The following TRPM3 variants were observed in gnomAD, a reference collection of about 807,000 sequenced individuals.
The protein encoded by TRPM3 is long transient receptor potential channel 3.
In TRPM3, 77 loss-of-function variants were observed where a neutral mutation model predicts 181.2. The observed-to-expected ratio is 0.42, with a 90% CI of 0.35 to 0.51. The LOEUF (loss-of-function observed/expected upper bound fraction) is 0.51. Ranked by LOEUF, TRPM3 falls within the 20% of genes least tolerant of loss-of-function variation. The pLI is 0.01. For missense variants in TRPM3, 1,759 were observed against 2,196.7 expected (o/e 0.80, Z 3.98); for synonymous variants, 745 against 796.4 (o/e 0.94, Z 1.09).
intron 5 of TRPM3, among the ~76,000 whole-genome samples, chr9:70,840,824 T>A (rs1311069490): frequency 1.3e-5 from 2 of 152,138 alleles, no homozygotes; most frequent in African/African-American, 4.8e-5. Context: ...CTGCAAATGC[T>A]TAGGCAACTA....
intron 1 of TRPM3, among the ~76,000 whole-genome samples, chr9:71,173,071 T>C (rs2076943313): frequency 1.3e-5 from 2 of 152,212 alleles, no homozygotes; most frequent in African/African-American, 2.4e-5. Flanking sequence ...GAACACCTTT[T>C]CACTGAACAA....
chr9:71,023,559 G>A (rs1315307649), intron 1 of TRPM3, among the ~76,000 whole-genome samples: 1 of 152,062 alleles, frequency 6.6e-6, no homozygotes, highest in Non-Finnish European at 1.5e-5. Context: ...TTATTCATAA[G>A]AGCCCCAAAG....
At chr9:70,974,659 G>T (rs1417196657) in intron 1 of TRPM3, among the ~76,000 whole-genome samples, 1 of 151,646 alleles carries the variant, frequency 6.6e-6, no homozygotes, top group Non-Finnish European at 1.5e-5. Context: ...AACCCAGGAG[G>T]CGGGGTTTGC....
chr9:70,673,232 G>T (rs1334827098), intron 9 of TRPM3, among the ~76,000 whole-genome samples: 1 of 151,984 alleles, frequency 6.6e-6, no homozygotes, highest in Non-Finnish European at 1.5e-5. Context: ...GAGGCACATG[G>T]AAGACACTGG....
intron 19 of TRPM3, among the ~76,000 whole-genome samples, chr9:70,606,285 C>T (rs1247874178): frequency 6.6e-6 from 1 of 152,172 alleles, no homozygotes; most frequent in Non-Finnish European, 1.5e-5. Context: ...TTTTTGTCTC[C>T]TCTTCCCTTA....
chr9:70,778,418 C>G (rs1266098804), intron 7 of TRPM3, among the ~76,000 whole-genome samples: 2 of 152,146 alleles, frequency 1.3e-5, no homozygotes, highest in African/African-American at 4.8e-5. Context: ...TATTCATCTT[C>G]CAACAGGCCC....
intron 1 of TRPM3, among the ~76,000 whole-genome samples, chr9:70,924,468 T>C (rs896546794): frequency 6.6e-6 from 1 of 152,198 alleles, no homozygotes; most frequent in Non-Finnish European, 1.5e-5. Context: ...CCATTTCCAG[T>C]ATTTCAACAT....
Position 70,921,775 on chromosome 9 carries a change from A to G in TRPM3, c.178-57264T>C, listed in dbSNP as rs1048728372. Among the ~76,000 whole-genome samples, 8 of 152,130 alleles carry G rather than the reference A, an allele frequency of 5.3e-5. No individual in the cohort carries two copies. The East Asian group carries it at 7.7e-4, about 15-fold the overall frequency. On this transcript the variant is annotated intron_variant, in intron 1 of 25. Coordinates refer to ENST00000677713, the MANE Select transcript of TRPM3 (RefSeq NM_001366145.2). The stretch of plus-strand genomic sequence containing the variant: ...AAGCCACCATGTCACGGATTGCTAT[A>G]TAGAGAGGCCCACATGTCAGGGAAC...
At chr9:70,813,539 T>C (rs138534101) in intron 6 of TRPM3, among the ~76,000 whole-genome samples, 27 of 151,932 alleles carry the variant, frequency 1.8e-4, no homozygotes, top group African/African-American at 5.8e-4. Flanking sequence ...GCTGAAAATC[T>C]TCCTATTGAG....
intron 1 of TRPM3, among the ~76,000 whole-genome samples, chr9:70,889,751 TTAAG>T (rs983842823): frequency 6.6e-6 from 1 of 151,966 alleles, no homozygotes; most frequent in African/African-American, 2.4e-5. Context: ...TAGAAAAGGC[TTAAG>T]TAATAGCCAA....
At chr9:71,032,264 G>A (rs1419546284) in intron 1 of TRPM3, among the ~76,000 whole-genome samples, 1 of 139,054 alleles carries the variant, frequency 7.2e-6, no homozygotes, top group East Asian at 2.0e-4. Flanking sequence ...GTGAAGAGCA[G>A]AATAAGAGGC....
At chr9:70,569,605 A>C (rs1310048948) in intron 22 of TRPM3, among the ~76,000 whole-genome samples, 1 of 152,212 alleles carries the variant, frequency 6.6e-6, no homozygotes, top group Non-Finnish European at 1.5e-5. Flanking sequence ...GGCTTTATCA[A>C]CTGGTAGAAG....
At chr9:71,396,643 T>G (rs550273844) in intron 1 of TRPM3, among the ~76,000 whole-genome samples, 1 of 151,894 alleles carries the variant, frequency 6.6e-6, no homozygotes, top group African/African-American at 2.4e-5. Context: ...AAGTCGAACT[T>G]TGGAATAAAA....
intron 1 of TRPM3, among the ~76,000 whole-genome samples, chr9:71,119,298 C>T (rs1270767255): frequency 2.0e-5 from 3 of 152,094 alleles, no homozygotes; most frequent in Non-Finnish European, 4.4e-5. Flanking sequence ...CAGTAATGCA[C>T]TTTATTCAAT....
intron 1 of TRPM3, among the ~76,000 whole-genome samples, chr9:71,138,448 G>T (rs1009311516): frequency 6.6e-6 from 1 of 152,032 alleles, no homozygotes; most frequent in Non-Finnish European, 1.5e-5. Flanking sequence ...TTGCTTTTGG[G>T]TTTTAAATGA....
intron 6 of TRPM3, chr9:70,826,741 A>C (rs1421060916): frequency 6.6e-6 from 1 of 152,238 alleles, no homozygotes; most frequent in East Asian, 1.9e-4. Flanking sequence ...TCATCTAGCC[A>C]AAGGGAATCT....
chr9:70,843,032 C>T lies in TRPM3; in HGVS notation c.772G>A (p.Glu258Lys), dbSNP rs2094780282. The part of the protein sequence containing the change: ...TIGIAPWGIV[E>K]NQEDLIGRDV... ...CTTCCAATGAGGTCCTCCTGGTTTT[C>T]CACAATTCCCCAGGGGGCAATACCT... is the stretch of plus-strand genomic sequence containing the variant. Residue 258 changes from glutamate to lysine, a missense_variant, in exon 5 of 26, where the codon GAA (glutamate) becomes AAA (lysine). Transcript: ENST00000677713. 6.2e-7 allele frequency: 1 copy of T among 1,613,772 alleles called. No homozygotes were observed. Among genetic ancestry groups the T allele is most frequent in the East Asian group, 2.2e-5 (1 of 44,872 alleles).
intron 1 of TRPM3, among the ~76,000 whole-genome samples, chr9:71,170,549 T>C (rs1261643758): frequency 3.9e-5 from 6 of 152,186 alleles, no homozygotes; most frequent in Non-Finnish European, 8.8e-5. Context: ...CAGAAGAAGA[T>C]TGTGAAGATT....
chr9:71,235,971 A>G (rs569635328), intron 1 of TRPM3, among the ~76,000 whole-genome samples: 1 of 152,328 alleles, frequency 6.6e-6, no homozygotes, highest in South Asian at 2.1e-4. Context: ...TTTGTTGTAC[A>G]TTAATTTCTT....
Sources: allele counts gnomAD v4.1 joint callset (sites outside exome capture counted in the v4.1 genomes callset), GRCh38; gene constraint gnomAD v4.1.1; transcripts MANE v1.5; gene names NCBI Gene and HGNC (gene_info 2026-07-23, HGNC 2026-07-21).